NHSL3: variants seen among roughly 807,000 people sequenced by gnomAD.
The protein encoded by NHSL3 is NHS-like protein 3.
chr1:32,769,095 A>G, the NHSL3 span: 1 of 238,406 alleles, frequency 4.2e-6, no homozygotes, highest in East Asian at 1.1e-4. Flanking sequence ...TCTACTAAAA[A>G]TACAAAAAAT....
chr1:32,770,479 T>C, the NHSL3 span: 1 of 1,582,538 alleles, frequency 6.3e-7, no homozygotes, highest in Non-Finnish European at 8.6e-7. This position sits in a 1 kb window ranked among gnomAD's most constrained non-coding sequence, Gnocchi z 8.3. Flanking sequence ...CACCCTCTCC[T>C]CTAAGGGTGG....
At chr1:32,750,802 G>A in the NHSL3 span, among the ~76,000 whole-genome samples, 12 of 149,344 alleles carry the variant, frequency 8.0e-5, no homozygotes, top group Non-Finnish European at 1.5e-4. Context: ...CACAGCGCCC[G>A]GCCCCTTTTA....
At chr1:32,759,055 T>G in the NHSL3 span, among the ~76,000 whole-genome samples, 1 of 152,130 alleles carries the variant, frequency 6.6e-6, no homozygotes, top group Non-Finnish European at 1.5e-5. Context: ...GCTGGTGGCA[T>G]AGGAAGAACA....
the NHSL3 span, among the ~76,000 whole-genome samples, chr1:32,758,389 G>C: frequency 3.3e-5 from 5 of 152,112 alleles, no homozygotes; most frequent in Non-Finnish European, 7.4e-5. Flanking sequence ...AGACCATCTG[G>C]AATTCTTTTC....
At chr1:32,763,459 G>C in the NHSL3 span, among the ~76,000 whole-genome samples, 1 of 152,130 alleles carries the variant, frequency 6.6e-6, no homozygotes, top group African/African-American at 2.4e-5. Context: ...CCTGCCTCAA[G>C]GCCTTTCCAC....
the NHSL3 span, among the ~76,000 whole-genome samples, chr1:32,761,689 A>G: frequency 6.6e-6 from 1 of 152,338 alleles, no homozygotes; most frequent in South Asian, 2.1e-4. Context: ...TGTAAGAGCC[A>G]TGAGGACAGA....
At chr1:32,769,855 C>T in the NHSL3 span, 35 of 1,611,214 alleles carry the variant, frequency 2.2e-5, no homozygotes, top group Non-Finnish European at 2.6e-5. Flanking sequence ...CTCTGCTGAC[C>T]CCACCTCCTC....
At chr1:32,770,814 G>A in the NHSL3 span, 10 of 1,599,618 alleles carry the variant, frequency 6.3e-6, no homozygotes, top group Admixed American at 3.4e-5. The surrounding 1 kb of genome is among the most constrained non-coding windows in gnomAD (Gnocchi z 8.3). Context: ...CAGAAGGGGC[G>A]GGGGCAGCAC....
the NHSL3 span, among the ~76,000 whole-genome samples, chr1:32,749,042 C>T: frequency 6.6e-6 from 1 of 152,146 alleles, no homozygotes; most frequent in Non-Finnish European, 1.5e-5. Flanking sequence ...CCTCATGAAC[C>T]TCACGATGAG....
the NHSL3 span, chr1:32,765,925 T>C: frequency 2.5e-6 from 3 of 1,181,570 alleles, no homozygotes; most frequent in Non-Finnish European, 3.6e-6. Context: ...GCAAAAGTAA[T>C]GGGGTGGGGC....
chr1:32,772,103 C>T, the NHSL3 span: 2 of 1,613,272 alleles, frequency 1.2e-6, no homozygotes, highest in South Asian at 1.1e-5. Flanking sequence ...TTCATCTTCT[C>T]CAAGGGCTCT....
chr1:32,753,060 C>T, the NHSL3 span, among the ~76,000 whole-genome samples: 2 of 151,318 alleles, frequency 1.3e-5, no homozygotes, highest in African/African-American at 4.9e-5. Flanking sequence ...CCTCCACCTC[C>T]TGGGTTCAAG....
the NHSL3 span, chr1:32,773,692 C>T: frequency 6.5e-6 from 1 of 152,764 alleles, no homozygotes; most frequent in African/African-American, 2.4e-5. Context: ...AGCACCTGCC[C>T]CTTGCCTCCT....
the NHSL3 span, chr1:32,742,078 CG>C: frequency 8.0e-7 from 1 of 1,256,764 alleles, no homozygotes; most frequent in Non-Finnish European, 1.0e-6. Flanking sequence ...CAGCTGGCTG[CG>C]GGGCAAGCGG....
At chr1:32,756,478 C>CA in the NHSL3 span, among the ~76,000 whole-genome samples, 1 of 113,956 alleles carries the variant, frequency 8.8e-6, no homozygotes, top group Non-Finnish European at 2.0e-5. Context: ...AGACCCCCCC[C>CA]CCCCGCCCAT....
At chr1:32,772,734 C>T in the NHSL3 span, 4 of 933,976 alleles carry the variant, frequency 4.3e-6, no homozygotes, top group Non-Finnish European at 6.9e-6. Flanking sequence ...GGTGTCCAGC[C>T]CAGTGCTGCG....
At chr1:32,742,135 C>G in the NHSL3 span, 1 of 1,245,078 alleles carries the variant, frequency 8.0e-7, no homozygotes, top group Non-Finnish European at 1.0e-6. Flanking sequence ...ACCGGCCGCC[C>G]CCCGGGCCAA....
At chr1:32,754,017 C>T in the NHSL3 span, 3 of 517,954 alleles carry the variant, frequency 5.8e-6, no homozygotes, top group East Asian at 3.7e-5. Context: ...CTGCCTCCCT[C>T]CCGGGGCTGC....
the NHSL3 span, chr1:32,742,065 CT>C: frequency 2.4e-6 from 3 of 1,262,832 alleles, no homozygotes; most frequent in Non-Finnish European, 2.0e-6. Flanking sequence ...TCCGCCGCGC[CT>C]TCAGCTGGCT....
Sources: allele counts gnomAD v4.1 joint callset (sites outside exome capture counted in the v4.1 genomes callset), GRCh38; gene constraint gnomAD v4.1.1; non-coding constraint Gnocchi (gnomAD v3.1); transcripts MANE v1.5; gene names NCBI Gene and HGNC (gene_info 2026-07-23, HGNC 2026-07-21).